The following PGCKA1 variants were observed in gnomAD, a reference collection of about 807,000 sequenced individuals.
The protein encoded by PGCKA1 is PDCD10 and GCKIII kinases-associated protein 1.
chr4:37,491,927 CCTTT>C, the PGCKA1 span, among the ~76,000 whole-genome samples: 5 of 151,816 alleles, frequency 3.3e-5, no homozygotes, highest in Non-Finnish European at 7.4e-5. Flanking sequence ...TCATGTTTTT[CCTTT>C]CTAAGAGGTC....
At chr4:37,537,434 A>G in the PGCKA1 span, among the ~76,000 whole-genome samples, 1 of 152,252 alleles carries the variant, frequency 6.6e-6, no homozygotes, top group African/African-American at 2.4e-5. Flanking sequence ...AATATTTTAA[A>G]TGCTTACATG....
the PGCKA1 span, among the ~76,000 whole-genome samples, chr4:37,504,749 A>G: frequency 6.6e-6 from 1 of 152,138 alleles, no homozygotes; most frequent in Non-Finnish European, 1.5e-5. Flanking sequence ...CAGAAATACT[A>G]CTGATTTTTT....
At chr4:37,567,437 CTA>C in the PGCKA1 span, among the ~76,000 whole-genome samples, 1 of 152,164 alleles carries the variant, frequency 6.6e-6, no homozygotes, top group African/African-American at 2.4e-5. Flanking sequence ...TAAACTGTAA[CTA>C]TCATCATTCG....
the PGCKA1 span, among the ~76,000 whole-genome samples, chr4:37,478,186 C>T: frequency 7.1e-6 from 1 of 141,698 alleles, no homozygotes; most frequent in Middle Eastern, 3.3e-3. Context: ...TTAGTGATCT[C>T]CCCTACCCTG....
At chr4:37,531,295 A>G in the PGCKA1 span, among the ~76,000 whole-genome samples, 1 of 152,130 alleles carries the variant, frequency 6.6e-6, no homozygotes, top group Admixed American at 6.5e-5. Flanking sequence ...TTTTTCCCAC[A>G]TGCTTATGAC....
the PGCKA1 span, among the ~76,000 whole-genome samples, chr4:37,575,577 T>C: frequency 5.3e-5 from 8 of 152,316 alleles, 1 homozygote; most frequent in African/African-American, 1.9e-4. Flanking sequence ...GATTGTTTTC[T>C]TTGCTGTGCA....
chr4:37,492,858 G>T, the PGCKA1 span, among the ~76,000 whole-genome samples: 1 of 152,096 alleles, frequency 6.6e-6, no homozygotes, highest in Non-Finnish European at 1.5e-5. This position sits in a 1 kb window ranked among gnomAD's most constrained non-coding sequence, Gnocchi z 4.7. Context: ...ACCTGCTGCT[G>T]CCACCGATCC....
chr4:37,571,073 A>AACCAACC, the PGCKA1 span, among the ~76,000 whole-genome samples: 1 of 152,322 alleles, frequency 6.6e-6, no homozygotes, highest in East Asian at 1.9e-4. Flanking sequence ...AGTAAGAATG[A>AACCAACC]AGTGCCCCAT....
the PGCKA1 span, among the ~76,000 whole-genome samples, chr4:37,454,788 A>G: frequency 6.6e-6 from 1 of 152,244 alleles, no homozygotes; most frequent in African/African-American, 2.4e-5. Context: ...GATAAAAGGC[A>G]AGGATCAATG....
the PGCKA1 span, among the ~76,000 whole-genome samples, chr4:37,564,461 A>T: frequency 6.6e-6 from 1 of 151,852 alleles, no homozygotes; most frequent in African/African-American, 2.4e-5. Context: ...GCAGCCATAA[A>T]AATGAAAGTT....
the PGCKA1 span, among the ~76,000 whole-genome samples, chr4:37,511,646 C>T: frequency 0.023 from 3,541 of 152,198 alleles, 103 homozygotes; most frequent in East Asian, 0.074. Flanking sequence ...TTTGAAGATG[C>T]AAGCTATGCT....
the PGCKA1 span, among the ~76,000 whole-genome samples, chr4:37,587,884 G>C: frequency 6.6e-6 from 1 of 152,058 alleles, no homozygotes; most frequent in Non-Finnish European, 1.5e-5. Context: ...CAGGAGAATC[G>C]CTTGAACCTG....
the PGCKA1 span, among the ~76,000 whole-genome samples, chr4:37,453,532 G>A: frequency 6.6e-6 from 1 of 152,188 alleles, no homozygotes; most frequent in East Asian, 1.9e-4. Flanking sequence ...AAAATGCCAA[G>A]TTCTCGGGGT....
the PGCKA1 span, among the ~76,000 whole-genome samples, chr4:37,458,377 G>C: frequency 6.6e-6 from 1 of 151,282 alleles, no homozygotes; most frequent in East Asian, 1.9e-4. Context: ...ATCTATTGCT[G>C]TGTAACAAAT....
At chr4:37,554,076 T>C in the PGCKA1 span, among the ~76,000 whole-genome samples, 1 of 152,280 alleles carries the variant, frequency 6.6e-6, no homozygotes, top group East Asian at 1.9e-4. Flanking sequence ...GGTGGGTTTT[T>C]CCCGTGGTAT....
chr4:37,580,901 A>G, the PGCKA1 span, among the ~76,000 whole-genome samples: 3 of 152,164 alleles, frequency 2.0e-5, no homozygotes, highest in African/African-American at 7.2e-5. Context: ...ATCCTTAGAG[A>G]TCTACCTGGT....
At chr4:37,581,891 G>A in the PGCKA1 span, among the ~76,000 whole-genome samples, 3 of 152,310 alleles carry the variant, frequency 2.0e-5, no homozygotes, top group South Asian at 4.1e-4. The surrounding 1 kb of genome is among the most constrained non-coding windows in gnomAD (Gnocchi z 4.4). Flanking sequence ...GTCCATGGTG[G>A]TGCGGCTTGC....
At chr4:37,484,386 G>A in the PGCKA1 span, among the ~76,000 whole-genome samples, 3 of 152,154 alleles carry the variant, frequency 2.0e-5, no homozygotes, top group Non-Finnish European at 4.4e-5. Context: ...CACGAGAACA[G>A]TATTGGGGAA....
chr4:37,549,656 A>G, the PGCKA1 span, among the ~76,000 whole-genome samples: 2 of 152,212 alleles, frequency 1.3e-5, no homozygotes, highest in African/African-American at 4.8e-5. Flanking sequence ...GAAGTTTGCA[A>G]CACCCTAACC....
Sources: gnomAD v4.1 joint callset for allele counts (sites outside exome capture counted in the v4.1 genomes callset) on GRCh38, gnomAD v4.1.1 for gene constraint, Gnocchi (gnomAD v3.1) non-coding constraint, MANE v1.5 for transcripts, NCBI Gene and HGNC (gene_info 2026-07-23, HGNC 2026-07-21) for gene names.